The following SMARCAD1 variants were observed in gnomAD, a reference collection of about 807,000 sequenced individuals.
SMARCAD1 encodes SNF2 related chromatin remodeling ATPase with DExD box 1, also known as SWI/SNF-related matrix-associated actin-dependent regulator of chromatin subfamily A containing DEAD/H box 1.
A neutral mutation model predicts 127.1 loss-of-function variants in SMARCAD1; 25 were observed. The observed-to-expected ratio is 0.20, with a 90% CI of 0.14 to 0.27. The LOEUF is 0.27. Among genes scored for constraint, SMARCAD1 ranks in the 10% least tolerant of loss-of-function variants. The pLI, the probability that SMARCAD1 is intolerant of heterozygous loss-of-function variation, is 1.00. For synonymous variants in SMARCAD1, 400 were observed against 396.9 expected (o/e 1.01, Z -0.09); for missense variants, 807 against 1,206.0 (o/e 0.67, Z 4.90).
rs747733445 is a variant in SMARCAD1, at chr4:94,284,974, T to C, written c.2924T>C (p.Ile975Thr). 6.2e-7 allele frequency: 1 copy of C among 1,607,382 alleles called. No individual in the cohort carries two copies. The highest frequency in any genetic ancestry group is 1.1e-5 in the South Asian group (1 of 90,942). Residue 975 changes from isoleucine (I) to threonine (T), a missense_variant, in exon 23 of 24, where the codon ATA (isoleucine) becomes ACA (threonine). Ile to Thr is a moderately conservative substitution (Grantham distance 89, BLOSUM62 -1). This residue lies in a region of SMARCAD1 where 36 missense variants were observed against 67.4 expected (regional missense o/e 0.53). Transcript: ENST00000354268. ...RVGQTKEVLVIKLISQGTIEE... is the reference protein window; with the variant it reads ...RVGQTKEVLVTKLISQGTIEE... ...TTTTTTTTTAGAGAAGTACTAGTTATAAAACTAATAAGCCAAGGGACGATT... is the reference window on the plus strand; with the variant it reads ...TTTTTTTTTAGAGAAGTACTAGTTACAAAACTAATAAGCCAAGGGACGATT...
chr4:94,265,735 C>T (rs1489491090), intron 10 of SMARCAD1, among the ~76,000 whole-genome samples: 1 of 151,592 alleles, frequency 6.6e-6, no homozygotes, highest in Non-Finnish European at 1.5e-5. Flanking sequence ...TTTATAGTGG[C>T]AAAACCATGG....
chr4:94,289,406 A>G, intron 23 of SMARCAD1, 67 bp from the exon 24 acceptor site: 1 of 1,406,956 alleles, frequency 7.1e-7, no homozygotes, highest in Non-Finnish European at 1.0e-6. Flanking sequence ...AAAAAAAATA[A>G]TTGAGACAAT....
chr4:94,285,700 TACTA>T (rs1252756957), intron 23 of SMARCAD1, among the ~76,000 whole-genome samples: 1 of 152,206 alleles, frequency 6.6e-6, no homozygotes, highest in African/African-American at 2.4e-5. Context: ...ATCAAATAAT[TACTA>T]GTCTTTCTTG....
At chr4:94,234,354 C>T (rs17309887) in intron 4 of SMARCAD1, among the ~76,000 whole-genome samples, 39,595 of 152,068 alleles carry the variant, frequency 0.26, 6,458 homozygotes, top group Non-Finnish European at 0.36. Context: ...TAATAGCGAA[C>T]ATAGGTTGTG....
At chr4:94,242,001 CTTCTA>C (rs777752412) in intron 6 of SMARCAD1, among the ~76,000 whole-genome samples, 4 of 151,944 alleles carry the variant, frequency 2.6e-5, no homozygotes, top group Admixed American at 2.0e-4. Flanking sequence ...CACCGTTATC[CTTCTA>C]TTCTATTCTC....
chr4:94,217,563 T>C (rs964895620), intron 2 of SMARCAD1, among the ~76,000 whole-genome samples: 11 of 152,202 alleles, frequency 7.2e-5, no homozygotes, highest in African/African-American at 2.7e-4. Context: ...TTTGTTAACA[T>C]TTACTTCTAA....
At position 94,252,757 on chromosome 4, in the gene SMARCAD1, G is replaced by T. The variant is rs200181471; in HGVS notation, c.1031G>T (p.Arg344Leu). 5.0e-6 allele frequency: 8 copies of T among 1,609,032 alleles called. No homozygotes were observed. Among genetic ancestry groups the T allele is most frequent in the East Asian group, 2.2e-5 (1 of 44,808 alleles). The change falls in exon 9 of 24, where the codon CGT becomes CTT. Residue 344 changes from arginine (R) to leucine (L), a missense_variant. Physicochemically the swap from Arg to Leu is moderately radical, Grantham distance 102. This residue lies in a region of SMARCAD1 where 257 missense variants were observed against 303.4 expected (regional missense o/e 0.85). Coordinates refer to ENST00000354268, the MANE Select transcript of SMARCAD1 (RefSeq NM_020159.5). Reference sequence around the variant, plus strand: ...GCACAAAATGGCTTTAACAAGAAACGTAAAAAAAATGTTTTTAATCCAAAG... The same window carrying T: ...GCACAAAATGGCTTTAACAAGAAACTTAAAAAAAATGTTTTTAATCCAAAG... ...MKAQNGFNKK[R>L]KKNVFNPKRV...
chr4:94,240,308 A>G (rs1747382500), intron 5 of SMARCAD1, among the ~76,000 whole-genome samples: 1 of 152,236 alleles, frequency 6.6e-6, no homozygotes, highest in Admixed American at 6.5e-5. Context: ...CAGTCACGAC[A>G]ATATGCAGAT....
intron 21 of SMARCAD1, among the ~76,000 whole-genome samples, chr4:94,282,365 G>A (rs1754227249): frequency 6.6e-6 from 1 of 151,300 alleles, no homozygotes; most frequent in Admixed American, 6.6e-5. Flanking sequence ...CAAAGTGCTG[G>A]GATTACAGGC....
At chr4:94,237,489 T>G (rs1280814396) in intron 5 of SMARCAD1, among the ~76,000 whole-genome samples, 1 of 130,536 alleles carries the variant, frequency 7.7e-6, no homozygotes, top group African/African-American at 2.7e-5. Flanking sequence ...TTTTTTAACT[T>G]ACACATACTA....
At chr4:94,256,378 T>C (rs1250864388) in intron 9 of SMARCAD1, among the ~76,000 whole-genome samples, 2 of 152,166 alleles carry the variant, frequency 1.3e-5, no homozygotes, top group African/African-American at 2.4e-5. Flanking sequence ...TTGTTTTGTT[T>C]TGAGACAGAG....
chr4:94,256,867 T>C (rs1326047942), intron 9 of SMARCAD1, among the ~76,000 whole-genome samples: 2 of 152,312 alleles, frequency 1.3e-5, no homozygotes, highest in South Asian at 4.1e-4. Context: ...TTTGAGTACT[T>C]TGTAGGCTGC....
intron 9 of SMARCAD1, among the ~76,000 whole-genome samples, chr4:94,254,994 A>G (rs1438199484): frequency 3.9e-5 from 6 of 152,096 alleles, no homozygotes; most frequent in Non-Finnish European, 7.4e-5. Context: ...TTTAGTTAAA[A>G]GCTATATAAT....
Position 94,226,282 on chromosome 4 carries a change from T to G in SMARCAD1, c.354T>G (p.Asp118Glu). Residue 118 changes from aspartate to glutamate, a missense_variant, in exon 3 of 24, where the codon GAT becomes GAG. This residue lies in a region of SMARCAD1 where 175 missense variants were observed against 169.5 expected (regional missense o/e 1.03). Coordinates refer to ENST00000354268, the MANE Select transcript of SMARCAD1 (RefSeq NM_020159.5). ...NTVQEKTFNK[D>E]TVIIVSEPSE... ...TTCAAGAGAAAACATTCAACAAAGA[T>G]ACAGTGATTATAGTGTAAGCTGATT... The G allele has an allele frequency of 6.2e-7, 1 of 1,612,328 alleles. No individual in the cohort carries two copies. The highest frequency in any genetic ancestry group is 8.5e-7 in the Non-Finnish European group (1 of 1,178,684).
At chr4:94,230,674 C>T (rs1046134474) in intron 3 of SMARCAD1, among the ~76,000 whole-genome samples, 1 of 152,126 alleles carries the variant, frequency 6.6e-6, no homozygotes, top group Non-Finnish European at 1.5e-5. Context: ...CAAATATCCC[C>T]TTGCAGCAAA....
chr4:94,270,881 C>T, intron 11 of SMARCAD1, 63 bp downstream of exon 11: 1 of 1,487,392 alleles, frequency 6.7e-7, no homozygotes, highest in Non-Finnish European at 9.4e-7. Flanking sequence ...TTCTTGCTGT[C>T]ATTTAAAACA....
intron 3 of SMARCAD1, among the ~76,000 whole-genome samples, chr4:94,229,753 G>T (rs1745545094): frequency 6.6e-6 from 1 of 151,738 alleles, no homozygotes; most frequent in Non-Finnish European, 1.5e-5. Context: ...CGGGTGTAGG[G>T]GGTTGGAGTT....
intron 3 of SMARCAD1, among the ~76,000 whole-genome samples, chr4:94,233,687 A>G (rs1746199791): frequency 1.3e-5 from 2 of 152,220 alleles, no homozygotes; most frequent in African/African-American, 4.8e-5. Flanking sequence ...AGTCCTAACA[A>G]AATAAATGCT....
At chr4:94,289,435 T>G in intron 23 of SMARCAD1, 38 bp from the exon 24 acceptor site, 1 of 1,563,200 alleles carries the variant, frequency 6.4e-7, no homozygotes, top group Non-Finnish European at 8.8e-7. Context: ...AAGTAAAATA[T>G]TTTTATAAAG....
Sources: allele counts gnomAD v4.1 joint callset (sites outside exome capture counted in the v4.1 genomes callset), GRCh38; gene constraint gnomAD v4.1.1; regional missense constraint gnomAD v4.1.1; transcripts MANE v1.5; gene names NCBI Gene and HGNC (gene_info 2026-07-23, HGNC 2026-07-21).